SLC38A9: variants seen among roughly 807,000 people sequenced by gnomAD.
SLC38A9 encodes solute carrier family 38 member 9, also known as neutral amino acid transporter 9.
Under a neutral mutation model 62.3 loss-of-function variants are expected in SLC38A9, and 48 were observed. The ratio of observed to expected loss-of-function variants is 0.77; its 90% CI spans 0.61 to 0.98. The LOEUF (loss-of-function observed/expected upper bound fraction) is 0.98. SLC38A9 is among the 50% of genes least tolerant of loss of function. The pLI is 0.00. For missense variants in SLC38A9, 541 were observed against 679.8 expected (o/e 0.80, Z 2.27); for synonymous variants, 204 against 227.7 (o/e 0.90, Z 0.94).
intron 3 of SLC38A9, among the ~76,000 whole-genome samples, chr5:55,689,147 A>C (rs1411524598): frequency 6.6e-6 from 1 of 152,254 alleles, no homozygotes; most frequent in Non-Finnish European, 1.5e-5. Flanking sequence ...CTACTGAAGT[A>C]GAAAAAATAA....
chr5:55,687,320 G>A (rs1353962971), intron 3 of SLC38A9, among the ~76,000 whole-genome samples: 14 of 149,284 alleles, frequency 9.4e-5, no homozygotes, highest in African/African-American at 3.0e-4. Flanking sequence ...CCAGCTACTC[G>A]GGAGGCTGAG....
At chr5:55,659,898 T>A (rs1561357462) in intron 8 of SLC38A9, among the ~76,000 whole-genome samples, 1 of 151,586 alleles carries the variant, frequency 6.6e-6, no homozygotes, top group Non-Finnish European at 1.5e-5. Flanking sequence ...CCCAAGTAGC[T>A]GGGACTACAG....
rs755874182 is a variant in SLC38A9 at position 55,712,277 on chromosome 5, A to C, written c.-143T>G. The C allele has an allele frequency of 8.0e-4, 123 of 152,806 alleles. 1 individual carries two copies. The highest frequency in any genetic ancestry group is 1.5e-3 in the Non-Finnish European group (99 of 68,076). The allele number at this position is 152,806 out of a possible 1,614,324, so 9.5% of individuals were successfully genotyped here. On this transcript the variant is annotated 5_prime_UTR_variant, in exon 1 of 16. Coordinates refer to ENST00000396865, the MANE Select transcript of SLC38A9 (RefSeq NM_173514.4). ...ACGAGAAGATAAAGATTCCCTTCCC[A>C]AATTCTCGCAATTTGCGACCGCGGG...
chr5:55,669,824 A>G lies in SLC38A9; in HGVS notation c.302T>C (p.Leu101Ser). 1 of 1,613,648 alleles carries G rather than the reference A, an allele frequency of 6.2e-7. No homozygotes were observed. Among genetic ancestry groups the G allele is most frequent in the Non-Finnish European group, 8.5e-7 (1 of 1,179,648 alleles). ...ACTTTGAAGTTTATAAGCAGAGCCCAATGGACTATACACATAGCACTCTTC... is the reference window on the plus strand; with the variant it reads ...ACTTTGAAGTTTATAAGCAGAGCCCGATGGACTATACACATAGCACTCTTC... Reference protein sequence around the residue: ...APEECYVYSPLGSAYKLQSYT... With the variant: ...APEECYVYSPSGSAYKLQSYT... Residue 101 changes from leucine to serine, a missense_variant, in exon 5 of 16, where the codon TTG becomes TCG. Coordinates refer to ENST00000396865, the MANE Select transcript of SLC38A9 (RefSeq NM_173514.4).
chr5:55,710,414 G>A (rs973149444), intron 2 of SLC38A9, among the ~76,000 whole-genome samples: 7 of 151,740 alleles, frequency 4.6e-5, no homozygotes, highest in East Asian at 2.0e-4. Context: ...CACCATGTTC[G>A]CCAGGCTGGT....
intron 3 of SLC38A9, among the ~76,000 whole-genome samples, chr5:55,695,016 G>C (rs904296254): frequency 5.9e-5 from 9 of 152,100 alleles, no homozygotes; most frequent in African/African-American, 2.2e-4. Flanking sequence ...GCCTCCCAAA[G>C]TGTTGGGATT....
chr5:55,642,008 A>G (rs915843640), intron 12 of SLC38A9, among the ~76,000 whole-genome samples: 1 of 152,180 alleles, frequency 6.6e-6, no homozygotes, highest in African/African-American at 2.4e-5. Context: ...ACTGCCTGTA[A>G]TCTAACTCAT....
chr5:55,697,918 G>C lies in SLC38A9; in HGVS notation c.41C>G (p.Ser14Cys), dbSNP rs1223016611. 1 of 1,603,850 alleles carries C rather than the reference G, an allele frequency of 6.2e-7. No homozygotes were observed. Among genetic ancestry groups the C allele is most frequent in the Admixed American group, 1.7e-5 (1 of 57,926 alleles). The change falls in exon 3 of 16, where the codon TCT becomes TGT. Residue 14 changes from serine to cysteine, a missense_variant. Coordinates refer to ENST00000396865, the MANE Select transcript of SLC38A9 (RefSeq NM_173514.4). Reference sequence around the variant, plus strand: ...AGGATCTCTTTCATGATCTACCTCAGAGGTGCCAAGATGCCTAGAATCACT... The same window carrying C: ...AGGATCTCTTTCATGATCTACCTCACAGGTGCCAAGATGCCTAGAATCACT... Reference protein sequence around the residue: ...MNSDSRHLGTSEVDHERDPGP... With the variant: ...MNSDSRHLGTCEVDHERDPGP...
intron 14 of SLC38A9, among the ~76,000 whole-genome samples, chr5:55,629,159 ACAGAGGGAGG>A (rs1742984596): frequency 6.6e-6 from 1 of 152,160 alleles, no homozygotes; most frequent in African/African-American, 2.4e-5. Flanking sequence ...CTTTGTATAC[ACAGAGGGAGG>A]CAGTTGCATC....
chr5:55,662,460 A>G (rs950382803), intron 8 of SLC38A9, among the ~76,000 whole-genome samples: 13 of 152,228 alleles, frequency 8.5e-5, no homozygotes, highest in African/African-American at 3.1e-4. Context: ...TCACGACGTC[A>G]GGAGATCGAG....
intron 11 of SLC38A9, among the ~76,000 whole-genome samples, chr5:55,646,132 T>G (rs143659206): frequency 2.6e-5 from 4 of 152,198 alleles, no homozygotes; most frequent in Non-Finnish European, 5.9e-5. Context: ...TCCTAACATT[T>G]TGGGAGGCCA....
At chr5:55,693,033 A>G (rs1754959482) in intron 3 of SLC38A9, 1 of 982,680 alleles carries the variant, frequency 1.0e-6, no homozygotes, top group South Asian at 4.7e-5. Context: ...ATTAGCTTAA[A>G]CCAACCATCT....
At chr5:55,682,778 G>A (rs1580336175) in intron 3 of SLC38A9, among the ~76,000 whole-genome samples, 1 of 103,664 alleles carries the variant, frequency 9.6e-6, no homozygotes, top group African/African-American at 3.2e-5. Flanking sequence ...AAAAACAGAC[G>A]TGTGTGTGTT....
intron 2 of SLC38A9, among the ~76,000 whole-genome samples, chr5:55,700,865 C>T (rs536611120): frequency 6.6e-6 from 1 of 152,202 alleles, no homozygotes; most frequent in South Asian, 2.1e-4. Flanking sequence ...GTCACTGGTC[C>T]CTCCTCCTTC....
At chr5:55,639,273 A>T (rs370696538) in intron 12 of SLC38A9, among the ~76,000 whole-genome samples, 69 of 123,026 alleles carry the variant, frequency 5.6e-4, no homozygotes, top group African/African-American at 2.3e-3. Context: ...AACTCTGTCT[A>T]AAAAAAAAAA....
intron 3 of SLC38A9, among the ~76,000 whole-genome samples, chr5:55,677,600 G>C (rs761248016): frequency 1.3e-5 from 2 of 151,964 alleles, no homozygotes; most frequent in Admixed American, 1.3e-4. Context: ...ACCGTGGTGC[G>C]CTGATAGCTC....
At chr5:55,658,247 AG>A (rs773911439) in intron 8 of SLC38A9, among the ~76,000 whole-genome samples, 13 of 152,030 alleles carry the variant, frequency 8.6e-5, no homozygotes, top group Non-Finnish European at 1.9e-4. Flanking sequence ...TCCACCTCCC[AG>A]GTTCAAGAAA....
At chr5:55,708,551 C>A (rs1223013033) in intron 2 of SLC38A9, among the ~76,000 whole-genome samples, 1 of 152,218 alleles carries the variant, frequency 6.6e-6, no homozygotes, top group East Asian at 1.9e-4. Flanking sequence ...AAGATGCTAG[C>A]ATCAATCTGC....
intron 3 of SLC38A9, among the ~76,000 whole-genome samples, chr5:55,686,925 T>C (rs1753904812): frequency 6.6e-6 from 1 of 152,176 alleles, no homozygotes; most frequent in Non-Finnish European, 1.5e-5. Context: ...CAGATAGTTG[T>C]AGGTGTTCGG....
Sources: gnomAD v4.1 joint callset for allele counts (sites outside exome capture counted in the v4.1 genomes callset) on GRCh38, gnomAD v4.1.1 for gene constraint, MANE v1.5 for transcripts, NCBI Gene and HGNC (gene_info 2026-07-23, HGNC 2026-07-21) for gene names.